Variants in GPR19 observed in about 807,000 individuals in gnomAD.
GPR19 encodes the protein G protein-coupled receptor 19.
Under a neutral mutation model 28.5 loss-of-function variants are expected in GPR19, and 14 were observed. The observed-to-expected ratio is 0.49, with a 90% CI of 0.32 to 0.77. GPR19 has a LOEUF of 0.77. Among genes scored for constraint, GPR19 ranks in the 30% least tolerant of loss-of-function variants. The pLI, the probability that GPR19 is intolerant of heterozygous loss-of-function variation, is 0.03. For synonymous variants in GPR19, 173 were observed against 184.1 expected, an observed-to-expected ratio of 0.94 and a Z score of 0.49; for missense variants, 409 against 504.1, an observed-to-expected ratio of 0.81 and a Z score of 1.81.
intron 3 of GPR19, among the ~76,000 whole-genome samples, chr12:12,674,543 C>T (rs375911798): frequency 1.4e-4 from 22 of 152,146 alleles, no homozygotes; most frequent in African/African-American, 4.6e-4. Context: ...GGGGATGACC[C>T]CTAGTTTTGA....
chr12:12,705,115 CTTTT>C, the GPR19 span, among the ~76,000 whole-genome samples: 1 of 136,624 alleles, frequency 7.3e-6, no homozygotes, highest in African/African-American at 2.7e-5. Flanking sequence ...AGAAATGCAT[CTTTT>C]TTTTTTTTTT....
intron 2 of GPR19, among the ~76,000 whole-genome samples, chr12:12,693,427 C>T (rs749027178): frequency 6.6e-6 from 1 of 152,176 alleles, no homozygotes; most frequent in Non-Finnish European, 1.5e-5. Flanking sequence ...CCACTACTGC[C>T]ATCAGCCCTG....
the GPR19 span, chr12:12,717,242 G>T: frequency 9.5e-7 from 1 of 1,054,044 alleles, no homozygotes; most frequent in African/African-American, 1.7e-5. Context: ...GGAACGAGGG[G>T]AGGTGGCGGA....
chr12:12,709,335 A>G, the GPR19 span, among the ~76,000 whole-genome samples: 13 of 152,280 alleles, frequency 8.5e-5, no homozygotes, highest in African/African-American at 2.9e-4. Flanking sequence ...CTGTCTTCCT[A>G]AAACTATGTG....
chr12:12,679,253 G>A (rs1945983843), intron 3 of GPR19, among the ~76,000 whole-genome samples: 1 of 152,002 alleles, frequency 6.6e-6, no homozygotes, highest in Non-Finnish European at 1.5e-5. Context: ...AGAGAGGGAA[G>A]TGTTACTGAC....
the GPR19 span, among the ~76,000 whole-genome samples, chr12:12,716,041 AT>A: frequency 2.0e-5 from 3 of 152,186 alleles, no homozygotes; most frequent in Non-Finnish European, 2.9e-5. Context: ...AACCAAGATG[AT>A]GGGTACCGGG....
At position 12,684,338 on chromosome 12, in the gene GPR19, C is replaced by G. The variant is rs1946062861; in HGVS notation, c.-23+13G>C. The G allele has an allele frequency of 6.6e-6, 1 of 152,184 alleles. No individual in the cohort carries two copies. Among genetic ancestry groups the G allele is most frequent in the Non-Finnish European group, 1.5e-5 (1 of 68,040 alleles). 9.4% of individuals were successfully genotyped at this position (152,184 alleles called of 1,614,324 possible). ...AATTTCAGTCGCAATACCAAGGGAT[C>G]CCTATCACATACCTTCATCCGGACT... On this transcript the variant is annotated intron_variant, in intron 3 of 3. Transcript: ENST00000651487.
At position 12,661,167 on chromosome 12, in the gene GPR19, A is replaced by G; in HGVS notation, c.*34T>C. ...CTGTTTTTATAGTTAAAGCTTTTTA[A>G]TCTCTGGTGCATAACAATTGAAAGA... On this transcript the variant is annotated 3_prime_UTR_variant, in exon 4 of 4. Coordinates refer to ENST00000651487, the MANE Select transcript of GPR19 (RefSeq NM_006143.3). This position sits in a 1 kb window ranked among gnomAD's most constrained non-coding sequence, Gnocchi z 4.2. 6.9e-7 allele frequency: 1 copy of G among 1,453,912 alleles called. No individual in the cohort carries two copies. Among genetic ancestry groups the G allele is most frequent in the African/African-American group, 1.4e-5 (1 of 70,312 alleles). The allele number at this position is 1,453,912 out of a possible 1,614,324, so 90.1% of individuals were successfully genotyped here.
At chr12:12,710,702 G>GT in the GPR19 span, among the ~76,000 whole-genome samples, 1 of 152,064 alleles carries the variant, frequency 6.6e-6, no homozygotes, top group South Asian at 2.1e-4. Flanking sequence ...GTGCCCAGCT[G>GT]TTTTTTAAAA....
At position 12,661,569 on chromosome 12, in the gene GPR19, C is replaced by T; in HGVS notation, c.880G>A (p.Val294Ile). ...TCATGGGGGTGCCATAGCTGAGCTA[C>T]ATGAAAAGGCAGCCAGGAGAGCAAA... ...LFLLSWLPFH[V>I]AQLWHPHEQD... Residue 294 changes from valine (V) to isoleucine (I), a missense_variant, in exon 4 of 4, where the codon GTA (valine) becomes ATA (isoleucine). Coordinates refer to ENST00000651487, the MANE Select transcript of GPR19 (RefSeq NM_006143.3). The surrounding 1 kb of genome is among the most constrained non-coding windows in gnomAD (Gnocchi z 4.2). The T allele has an allele frequency of 6.2e-7, 1 of 1,614,036 alleles. No individual in the cohort carries two copies. Among genetic ancestry groups the T allele is most frequent in the Non-Finnish European group, 8.5e-7 (1 of 1,179,932 alleles).
upstream of GPR19, among the ~76,000 whole-genome samples, chr12:12,700,556 G>A (rs1337618837): frequency 6.6e-6 from 1 of 152,108 alleles, no homozygotes; most frequent in African/African-American, 2.4e-5. Context: ...AGGACTTGTG[G>A]GAAATATAGG....
the GPR19 span, among the ~76,000 whole-genome samples, chr12:12,702,974 C>T: frequency 6.6e-6 from 1 of 152,186 alleles, no homozygotes; most frequent in African/African-American, 2.4e-5. Flanking sequence ...TTTAGGCAAT[C>T]AGTATACAGT....
At chr12:12,689,874 T>C (rs1946158581) in intron 2 of GPR19, among the ~76,000 whole-genome samples, 1 of 152,216 alleles carries the variant, frequency 6.6e-6, no homozygotes, top group Admixed American at 6.5e-5. Context: ...CAAGCTGCCT[T>C]GTGAAGAGGC....
intron 3 of GPR19, among the ~76,000 whole-genome samples, chr12:12,679,272 G>C (rs1337536997): frequency 6.6e-6 from 1 of 151,928 alleles, no homozygotes; most frequent in Non-Finnish European, 1.5e-5. Context: ...ACATCTGGTA[G>C]GTGGAAGCCA....
chr12:12,708,551 C>A, the GPR19 span, among the ~76,000 whole-genome samples: 1 of 152,200 alleles, frequency 6.6e-6, no homozygotes, highest in African/African-American at 2.4e-5. Flanking sequence ...CCAGTCACTG[C>A]ATCTTCTACA....
rs1220791779 is a variant in GPR19 at position 12,694,312 on chromosome 12, C to G, written c.-180+1147G>C. 2.7e-5 allele frequency among the ~76,000 whole-genome samples: 4 copies of G among 150,036 alleles called. No individual in the cohort carries two copies. The East Asian group carries it at 5.9e-4, about 22-fold the overall frequency. On this transcript the variant is annotated intron_variant, in intron 2 of 3. Coordinates refer to ENST00000651487, the MANE Select transcript of GPR19 (RefSeq NM_006143.3). ...CTCCCGGGTTCACGCCATTCTCCTGCCTCAGCCTCTGGAGTAGCTGGGTCT... is the reference window on the plus strand; with the variant it reads ...CTCCCGGGTTCACGCCATTCTCCTGGCTCAGCCTCTGGAGTAGCTGGGTCT...
chr12:12,700,038 C>G (rs901228160), upstream of GPR19, among the ~76,000 whole-genome samples: 2 of 150,380 alleles, frequency 1.3e-5, no homozygotes, highest in African/African-American at 4.9e-5. Context: ...GTCTTGAACA[C>G]CTGGCCTCAA....
intron 3 of GPR19, among the ~76,000 whole-genome samples, chr12:12,671,305 CA>C (rs71061102): frequency 6.8e-5 from 10 of 146,186 alleles, no homozygotes; most frequent in South Asian, 6.6e-4. Context: ...GACTCCCTCT[CA>C]AAAAAAAAAA....
chr12:12,701,008 A>G (rs1002305237), upstream of GPR19, among the ~76,000 whole-genome samples: 1 of 151,500 alleles, frequency 6.6e-6, no homozygotes, highest in Non-Finnish European at 1.5e-5. Flanking sequence ...CCTTGGATGT[A>G]TATGCCCTTG....
Sources: allele counts gnomAD v4.1 joint callset (sites outside exome capture counted in the v4.1 genomes callset), GRCh38; gene constraint gnomAD v4.1.1; non-coding constraint Gnocchi (gnomAD v3.1); transcripts MANE v1.5; gene names NCBI Gene and HGNC (gene_info 2026-07-23, HGNC 2026-07-21).